The following USP20 variants were observed in gnomAD, a reference collection of about 807,000 sequenced individuals.
USP20 encodes ubiquitin carboxyl-terminal hydrolase 20.
USP20 carries 80 observed loss-of-function variants against 124.2 expected under a neutral mutation model. That is an observed-to-expected ratio of 0.64 (90% CI 0.54 to 0.78). The LOEUF (loss-of-function observed/expected upper bound fraction) is 0.78, where lower values mean the gene tolerates loss of function less well. USP20 is among the 30% of genes least tolerant of loss of function. USP20 has a pLI of 0.00. For missense variants in USP20, 1,043 were observed against 1,244.4 expected (o/e 0.84, Z 2.44); for synonymous variants, 481 against 512.3 (o/e 0.94, Z 0.83).
chr9:129,858,506 C>G lies in USP20; in HGVS notation c.238C>G (p.Arg80Gly). Residue 80 changes from arginine (R) to glycine (G), a missense_variant, in exon 6 of 26, where the codon CGA (arginine) becomes GGA (glycine). By Grantham distance (125) the Arg-to-Gly change is moderately radical. Coordinates refer to ENST00000372429, the MANE Select transcript of USP20 (RefSeq NM_001110303.4). ...CTTGACCGTGAACCTGACCACGTTC[C>G]GACTGTGGTGTTACGCCTGTGAGAA... ...HNLTVNLTTF[R>G]LWCYACEKEV... 1 of 1,614,130 alleles carries G rather than the reference C, an allele frequency of 6.2e-7. No homozygotes were observed. The highest frequency in any genetic ancestry group is 8.5e-7 in the Non-Finnish European group (1 of 1,180,002).
intron 17 of USP20, 123 bp downstream of exon 17, chr9:129,873,867 C>T: frequency 8.2e-7 from 1 of 1,214,088 alleles, no homozygotes; most frequent in Non-Finnish European, 1.2e-6. Context: ...GCCGTGGAGA[C>T]TCCATAGCTT....
chr9:129,841,479 C>T (rs2032207806), intron 1 of USP20, among the ~76,000 whole-genome samples: 1 of 152,178 alleles, frequency 6.6e-6, no homozygotes, highest in Admixed American at 6.5e-5. Flanking sequence ...CAGTCCATAA[C>T]AAATACTATG....
Position 129,869,617 on chromosome 9 carries a change from T to C in USP20, c.1393-55T>C, listed in dbSNP as rs982869693. The C allele has an allele frequency of 1.9e-6, 3 of 1,602,534 alleles. No individual in the cohort carries two copies. The African/African-American group carries it at 4.0e-5, about 21-fold the overall frequency. On this transcript the variant is annotated intron_variant, in intron 13 of 25. Coordinates refer to ENST00000372429, the MANE Select transcript of USP20 (RefSeq NM_001110303.4). ...CTGCCCCTCACCTGCTGCTTGGGGT[T>C]TGGGGTGCAGACATTGCCAGAGGAT...
intron 22 of USP20, among the ~76,000 whole-genome samples, chr9:129,877,696 C>G (rs748042506): frequency 6.6e-6 from 1 of 151,530 alleles, no homozygotes; most frequent in Non-Finnish European, 1.5e-5. Context: ...GACCACCCCC[C>G]ATCTCGAAAA....
At chr9:129,852,151 A>G (rs1180677849) in intron 2 of USP20, among the ~76,000 whole-genome samples, 4 of 152,192 alleles carry the variant, frequency 2.6e-5, no homozygotes, top group Non-Finnish European at 5.9e-5. Flanking sequence ...TTGGACGGAC[A>G]TGGATTTGGC....
intron 6 of USP20, 50 bp downstream of exon 6, chr9:129,858,648 G>T: frequency 6.2e-7 from 1 of 1,600,682 alleles, no homozygotes; most frequent in Non-Finnish European, 8.5e-7. Context: ...CTGTGTTGAG[G>T]ATGAGGCAGT....
chr9:129,868,545 G>A (rs1304143336), intron 11 of USP20, 96 bp downstream of exon 11: 1 of 1,463,478 alleles, frequency 6.8e-7, no homozygotes, highest in East Asian at 2.5e-5. Context: ...CCGGGGGACG[G>A]GTTCTTCACT....
In USP20 at chr9:129,879,741, G is replaced by A. The variant is rs1472101977; in HGVS notation, c.2584+97G>A. ...CCTTCCAGGAGCCCCCTTACCACCT[G>A]TCTTAGAGTCAGGCTGAGACGTCCA... On this transcript the variant is annotated intron_variant, in intron 24 of 25. Coordinates refer to ENST00000372429, the MANE Select transcript of USP20 (RefSeq NM_001110303.4). This position sits in a 1 kb window ranked among gnomAD's most constrained non-coding sequence, Gnocchi z 4.2. 1 of 1,405,798 alleles carries A rather than the reference G, an allele frequency of 7.1e-7. No homozygotes were observed. Among genetic ancestry groups the A allele is most frequent in the Non-Finnish European group, 1.0e-6 (1 of 1,003,686 alleles). The allele number at this position is 1,405,798 out of a possible 1,614,324, so 87.1% of individuals were successfully genotyped here. A position where few individuals can be genotyped will look rare whatever the true frequency, so the allele number is the denominator to read the frequency against.
intron 10 of USP20, among the ~76,000 whole-genome samples, chr9:129,867,484 G>A (rs778049592): frequency 3.9e-5 from 6 of 152,266 alleles, no homozygotes; most frequent in Non-Finnish European, 8.8e-5. Context: ...AGGGAGCAGG[G>A]GGAGCCAGAG....
chr9:129,873,604 T>C (rs1244336974), intron 16 of USP20, 89 bp downstream of exon 16: 11 of 1,613,270 alleles, frequency 6.8e-6, no homozygotes, highest in Non-Finnish European at 6.8e-6. Flanking sequence ...CCCCCTATAA[T>C]CCTGCCTTCC....
Position 129,880,462 on chromosome 9 carries a change from C to T in USP20, c.*17-5C>T. ...CCCCACTGCTGAGTGCCCGTGTCCC[C>T]ACAGCCCCATGTGCCCCACCCCGCG... On this transcript the variant is annotated splice_region_variant and splice_polypyrimidine_tract_variant and intron_variant, in intron 25 of 25. Coordinates refer to ENST00000372429, the MANE Select transcript of USP20 (RefSeq NM_001110303.4). 1.3e-6 allele frequency: 1 copy of T among 772,578 alleles called. No individual in the cohort carries two copies. The highest frequency in any genetic ancestry group is 2.0e-6 in the Non-Finnish European group (1 of 498,762). The allele number at this position is 772,578 out of a possible 1,614,324, so 47.9% of individuals were successfully genotyped here.
chr9:129,875,250 G>A, intron 19 of USP20, 60 bp from the exon 20 acceptor site: 1 of 1,508,942 alleles, frequency 6.6e-7, no homozygotes, highest in Non-Finnish European at 8.9e-7. Flanking sequence ...TGGGGGCTCT[G>A]CATGTGTCTG....
intron 13 of USP20, 114 bp downstream of exon 13, chr9:129,869,539 G>A (rs1475704048): frequency 6.5e-7 from 1 of 1,527,600 alleles, no homozygotes; most frequent in African/African-American, 1.4e-5. Context: ...TTTTATCCAG[G>A]GGAGGGCCCT....
At chr9:129,837,221 G>A (rs1031541558) in intron 1 of USP20, among the ~76,000 whole-genome samples, 2 of 152,224 alleles carry the variant, frequency 1.3e-5, no homozygotes, top group African/African-American at 4.8e-5. Flanking sequence ...CCTTTTAAGC[G>A]TAGGATGAGA....
intron 8 of USP20, among the ~76,000 whole-genome samples, chr9:129,862,597 T>C (rs2033607497): frequency 6.6e-6 from 1 of 151,320 alleles, no homozygotes; most frequent in South Asian, 2.1e-4. Flanking sequence ...GTTTTAACTT[T>C]AATAACCTCT....
At chr9:129,866,063 G>A (rs968730250) in intron 10 of USP20, among the ~76,000 whole-genome samples, 7 of 152,136 alleles carry the variant, frequency 4.6e-5, no homozygotes, top group African/African-American at 1.4e-4. Flanking sequence ...CCTCAGCCCC[G>A]GGCTGATGGC....
rs746779138 is a variant in USP20, at chr9:129,868,118, G to A, written c.804G>A (p.Thr268=). ...TEARDSDSSD[T]DEKREGDRSP... ...CTCGGGACTCAGATTCGAGTGACAC[G>A]GATGAGAAACGGGAGGGTGACCGGA... is the stretch of plus-strand genomic sequence containing the variant. The change falls in exon 11 of 26, where the codon ACG becomes ACA. Residue 268 remains threonine, a synonymous_variant. Coordinates refer to ENST00000372429, the MANE Select transcript of USP20 (RefSeq NM_001110303.4). The A allele has an allele frequency of 9.3e-6, 15 of 1,614,200 alleles. No individual in the cohort carries two copies. The highest frequency in any genetic ancestry group is 3.3e-5 in the Admixed American group (2 of 60,032).
Position 129,863,308 on chromosome 9 carries a change from C to T in USP20, c.611+9C>T, listed in dbSNP as rs1438687163. 1.3e-6 allele frequency: 2 copies of T among 1,540,026 alleles called. No homozygotes were observed. Among genetic ancestry groups the T allele is most frequent in the Admixed American group, 2.0e-5 (1 of 50,950 alleles). Reference sequence around the variant, plus strand: ...GTCTGGCATAAGAAACGGTGAGCAGCTGCATCCCTAGCCTTGGGCGGTGTG... The same window carrying T: ...GTCTGGCATAAGAAACGGTGAGCAGTTGCATCCCTAGCCTTGGGCGGTGTG... On this transcript the variant is annotated intron_variant, in intron 9 of 25. Coordinates refer to ENST00000372429, the MANE Select transcript of USP20 (RefSeq NM_001110303.4).
chr9:129,841,243 G>C lies in USP20; in HGVS notation c.-129+5744G>C, dbSNP rs560169426. Among the ~76,000 whole-genome samples, 5 of 152,242 alleles carry C rather than the reference G, an allele frequency of 3.3e-5. No individual in the cohort carries two copies. The South Asian group carries it at 1.0e-3, about 32-fold the overall frequency. On this transcript the variant is annotated intron_variant, in intron 1 of 25. Transcript: ENST00000372429. ...GGTTCTTCTGAAGGCCCTTTCCTTG[G>C]CCTGCAGATGGCCATCTTCTCACTG...
Sources: gnomAD v4.1 joint callset for allele counts (sites outside exome capture counted in the v4.1 genomes callset) on GRCh38, gnomAD v4.1.1 for gene constraint, Gnocchi (gnomAD v3.1) non-coding constraint, MANE v1.5 for transcripts, NCBI Gene and HGNC (gene_info 2026-07-23, HGNC 2026-07-21) for gene names.